Variants in GTF2H1 observed in about 807,000 individuals in gnomAD.
The protein encoded by GTF2H1 is BTF2 p62.
Under a neutral mutation model 71.2 loss-of-function variants are expected in GTF2H1, and 16 were observed. The observed-to-expected ratio is 0.22, with a 90% confidence interval of 0.15 to 0.34. The LOEUF (loss-of-function observed/expected upper bound fraction) is 0.34. Among genes scored for constraint, GTF2H1 ranks in the 10% least tolerant of loss-of-function variants. The pLI is 1.00. For missense variants in GTF2H1, 498 were observed against 648.2 expected (o/e 0.77, Z 2.52); for synonymous variants, 215 against 219.0 (o/e 0.98, Z 0.16).
intron 11 of GTF2H1, among the ~76,000 whole-genome samples, chr11:18,356,787 G>GTT (rs34873148): frequency 1.2e-4 from 14 of 113,016 alleles, no homozygotes; most frequent in South Asian, 2.9e-4. Context: ...GTCAATCTTT[G>GTT]TTTTTTTTTT....
chr11:18,324,021 A>C (rs566903801), intron 1 of GTF2H1, among the ~76,000 whole-genome samples: 37 of 151,896 alleles, frequency 2.4e-4, no homozygotes, highest in Non-Finnish European at 4.9e-4. Flanking sequence ...AGGAGAAAAA[A>C]GAGATGGTCT....
intron 1 of GTF2H1, among the ~76,000 whole-genome samples, chr11:18,327,452 A>G (rs1022052045): frequency 3.3e-4 from 50 of 152,220 alleles, no homozygotes; most frequent in African/African-American, 1.1e-3. Flanking sequence ...TACTTCCCTG[A>G]TGGTTTAAGA....
intron 14 of GTF2H1, 132 bp from the exon 15 acceptor site, chr11:18,365,651 C>T (rs1006485129): frequency 3.1e-6 from 2 of 648,356 alleles, no homozygotes; most frequent in African/African-American, 1.8e-5. Flanking sequence ...AGGGCTTGCA[C>T]ATTACCTCAT....
chr11:18,358,095 C>G, intron 12 of GTF2H1, 53 bp downstream of exon 12: 1 of 1,227,004 alleles, frequency 8.1e-7, no homozygotes, highest in Non-Finnish European at 1.2e-6. Context: ...CTTTAAAAAG[C>G]AAGCTGGGAG....
At chr11:18,364,673 A>G (rs1865778598) in intron 14 of GTF2H1, among the ~76,000 whole-genome samples, 1 of 152,204 alleles carries the variant, frequency 6.6e-6, no homozygotes, top group East Asian at 1.9e-4. Flanking sequence ...ATCTACTCAA[A>G]GATCTATAGT....
In GTF2H1 at chr11:18,358,178, A is replaced by C. The variant is rs550777026; in HGVS notation, c.1351+136A>C. On this transcript the variant is annotated intron_variant, in intron 12 of 14. Transcript: ENST00000265963. ...CTATTTTGTAGATTTGTTTTTATACATTCAGATTCTGAAACACATCTAGAC... is the reference window on the plus strand; with the variant it reads ...CTATTTTGTAGATTTGTTTTTATACCTTCAGATTCTGAAACACATCTAGAC... The C allele has an allele frequency of 9.2e-6, 6 of 653,300 alleles. No homozygotes were observed. The African/African-American group carries it at 1.1e-4, about 12-fold the overall frequency. 40.5% of individuals were successfully genotyped at this position (653,300 alleles called of 1,614,324 possible). A position where few individuals can be genotyped will look rare whatever the true frequency, so the allele number is the denominator to read the frequency against.
intron 13 of GTF2H1, 58 bp from the exon 14 acceptor site, chr11:18,360,557 C>T (rs1454523658): frequency 2.6e-6 from 2 of 769,434 alleles, no homozygotes; most frequent in Non-Finnish European, 4.2e-6. Context: ...GATTGTTTTT[C>T]TGTTGGTCTC....
chr11:18,360,852 C>CT, intron 14 of GTF2H1, 145 bp downstream of exon 14: 1 of 550,816 alleles, frequency 1.8e-6, no homozygotes, highest in South Asian at 2.1e-5. Flanking sequence ...GTCGCCCAGG[C>CT]TGGAGTACAG....
intron 7 of GTF2H1, among the ~76,000 whole-genome samples, chr11:18,344,757 T>G (rs1865245430): frequency 6.6e-6 from 1 of 152,168 alleles, no homozygotes; most frequent in Non-Finnish European, 1.5e-5. Context: ...CCTGCATACT[T>G]CTCAGTTGGG....
chr11:18,333,022 G>A, intron 1 of GTF2H1, 38 bp from the exon 2 acceptor site: 1 of 1,459,532 alleles, frequency 6.9e-7, no homozygotes, highest in Non-Finnish European at 9.3e-7. Context: ...ATTGATGTGT[G>A]GAATAGTTTT....
chr11:18,348,839 T>C (rs1865360370), intron 9 of GTF2H1: 1 of 152,210 alleles, frequency 6.6e-6, no homozygotes, highest in Non-Finnish European at 1.5e-5. Flanking sequence ...TAAGTCTTAA[T>C]TTCTTTCATT....
Position 18,347,706 on chromosome 11 carries a change from T to C in GTF2H1, c.956T>C (p.Leu319Pro). Residue 319 changes from leucine to proline, a missense_variant, in exon 8 of 15, where the codon CTC becomes CCC. Leu to Pro is a moderately conservative substitution (Grantham distance 98, BLOSUM62 -3). Transcript: ENST00000265963. ...HHSAMVLAAG[L>P]RKQEAQNEQT... The stretch of plus-strand genomic sequence containing the variant: ...AGTGCCATGGTCCTGGCAGCTGGAC[T>C]CAGAAAACAGTTAAGTATAAATGCA... The C allele has an allele frequency of 3.1e-6, 5 of 1,613,552 alleles. No homozygotes were observed. The highest frequency in any genetic ancestry group is 4.2e-6 in the Non-Finnish European group (5 of 1,179,784).
intron 2 of GTF2H1, among the ~76,000 whole-genome samples, chr11:18,334,335 G>A (rs1212616860): frequency 6.6e-6 from 1 of 152,142 alleles, no homozygotes; most frequent in Admixed American, 6.5e-5. Context: ...AGCCAAGATC[G>A]CGCCACTGCA....
At chr11:18,364,091 A>G (rs1325479837) in intron 14 of GTF2H1, among the ~76,000 whole-genome samples, 1 of 152,054 alleles carries the variant, frequency 6.6e-6, no homozygotes. Context: ...AAAGAAAAGG[A>G]TGCTGAGGCC....
chr11:18,343,539 C>G (rs1255691652), intron 7 of GTF2H1, among the ~76,000 whole-genome samples: 4 of 152,048 alleles, frequency 2.6e-5, no homozygotes, highest in African/African-American at 7.2e-5. Flanking sequence ...TGCATTCTCT[C>G]TATTCCATTG....
At chr11:18,348,340 T>G (rs1341661387) in intron 9 of GTF2H1, 1 of 245,158 alleles carries the variant, frequency 4.1e-6, no homozygotes, top group Admixed American at 5.5e-5. Flanking sequence ...TGAAAGTGTC[T>G]TCTCATTAAA....
At chr11:18,334,189 C>T (rs1013744188) in intron 2 of GTF2H1, among the ~76,000 whole-genome samples, 1 of 152,144 alleles carries the variant, frequency 6.6e-6, no homozygotes, top group Non-Finnish European at 1.5e-5. Context: ...ACCATCCTGG[C>T]TAACACAATG....
chr11:18,323,162 A>C (rs1276624346), intron 1 of GTF2H1, among the ~76,000 whole-genome samples: 1 of 152,184 alleles, frequency 6.6e-6, no homozygotes, highest in Non-Finnish European at 1.5e-5. Flanking sequence ...AACACGTGCC[A>C]GTCCACACAC....
At chr11:18,345,937 T>G (rs949028413) in intron 7 of GTF2H1, among the ~76,000 whole-genome samples, 6 of 152,012 alleles carry the variant, frequency 3.9e-5, no homozygotes, top group African/African-American at 1.4e-4. Context: ...ACTACAGGCG[T>G]CCGCCACCTC....
Sources: gnomAD v4.1 joint callset for allele counts (sites outside exome capture counted in the v4.1 genomes callset) on GRCh38, gnomAD v4.1.1 for gene constraint, MANE v1.5 for transcripts, NCBI Gene and HGNC (gene_info 2026-07-23, HGNC 2026-07-21) for gene names.